The following FHIT variants were observed in gnomAD, a reference collection of about 807,000 sequenced individuals.
FHIT encodes bis(5'-adenosyl)-triphosphatase.
In FHIT, 19 loss-of-function variants were observed where a neutral mutation model predicts 17.9. That is an observed-to-expected ratio of 1.06 (90% confidence interval 0.74 to 1.56). The LOEUF is 1.56. Among genes scored for constraint, FHIT ranks in the 40% most tolerant of loss-of-function variants. The pLI, the probability that FHIT is intolerant of heterozygous loss-of-function variation, is 0.00. For synonymous variants in FHIT, 81 were observed against 69.7 expected (o/e 1.16, Z -0.81); for missense variants, 248 against 189.2 (o/e 1.31, Z -1.82).
chr3:61,096,952 A>G (rs1239230128), intron 2 of FHIT, among the ~76,000 whole-genome samples: 2 of 151,992 alleles, frequency 1.3e-5, no homozygotes, highest in Admixed American at 1.3e-4. Context: ...CTCTACTACA[A>G]AAATTACAGC....
At chr3:60,505,816 A>T (rs1407392637) in intron 5 of FHIT, among the ~76,000 whole-genome samples, 2 of 152,138 alleles carry the variant, frequency 1.3e-5, no homozygotes. Flanking sequence ...GCATTCTTTC[A>T]TCCAACGGAC....
chr3:60,513,108 A>C (rs1576790760), intron 5 of FHIT, among the ~76,000 whole-genome samples: 1 of 152,222 alleles, frequency 6.6e-6, no homozygotes, highest in Non-Finnish European at 1.5e-5. Context: ...TGAATTATTT[A>C]GGAGTAAAGC....
At chr3:60,798,752 C>CTTTTTTTTTT (rs35159710) in intron 4 of FHIT, among the ~76,000 whole-genome samples, 3 of 105,476 alleles carry the variant, frequency 2.8e-5, no homozygotes, top group Admixed American at 1.1e-4. Context: ...ACTGCAATAG[C>CTTTTTTTTTT]TTTTTTTTTT....
intron 4 of FHIT, among the ~76,000 whole-genome samples, chr3:60,598,782 G>C (rs994554465): frequency 2.0e-5 from 3 of 152,122 alleles, no homozygotes; most frequent in African/African-American, 4.8e-5. Flanking sequence ...TAATTTGAGG[G>C]ATTACAGTGT....
At chr3:59,952,361 G>A (rs2107311601) in intron 7 of FHIT, among the ~76,000 whole-genome samples, 1 of 152,250 alleles carries the variant, frequency 6.6e-6, no homozygotes, top group African/African-American at 2.4e-5. Flanking sequence ...CAGACACAGT[G>A]GGTTGGAGAC....
chr3:60,546,095 C>G (rs764432242), intron 4 of FHIT, among the ~76,000 whole-genome samples: 1 of 150,872 alleles, frequency 6.6e-6, no homozygotes, highest in African/African-American at 2.4e-5. Flanking sequence ...CGTGTGTTCT[C>G]TTGAATTTTT....
intron 8 of FHIT, among the ~76,000 whole-genome samples, chr3:59,884,020 A>AGGTTG (rs1703517795): frequency 6.6e-6 from 1 of 152,210 alleles, no homozygotes; most frequent in Admixed American, 6.5e-5. Context: ...TGTTTATGTA[A>AGGTTG]ACAAAAATGT....
chr3:60,333,598 G>C (rs1022142366), intron 5 of FHIT, among the ~76,000 whole-genome samples: 27 of 151,726 alleles, frequency 1.8e-4, no homozygotes, highest in African/African-American at 6.3e-4. Context: ...ACATAATATT[G>C]CATGTCATAT....
At chr3:61,069,695 C>A (rs117772755) in intron 2 of FHIT, among the ~76,000 whole-genome samples, 2 of 152,166 alleles carry the variant, frequency 1.3e-5, no homozygotes, top group Non-Finnish European at 2.9e-5. Context: ...ACCAGCATTG[C>A]GTGATTTTAA....
intron 5 of FHIT, among the ~76,000 whole-genome samples, chr3:60,354,424 G>A (rs1699556988): frequency 6.6e-6 from 1 of 152,030 alleles, no homozygotes; most frequent in African/African-American, 2.4e-5. Context: ...AACAGACTCA[G>A]TTTAGTATCT....
chr3:60,948,926 G>A (rs1458795863), intron 3 of FHIT, among the ~76,000 whole-genome samples: 2 of 151,710 alleles, frequency 1.3e-5, no homozygotes, highest in East Asian at 1.9e-4. Flanking sequence ...GTTTTCCATC[G>A]CCCTCAATTT....
At chr3:60,864,087 A>T (rs1704048354) in intron 3 of FHIT, among the ~76,000 whole-genome samples, 1 of 152,104 alleles carries the variant, frequency 6.6e-6, no homozygotes, top group South Asian at 2.1e-4. Flanking sequence ...GAGCATGTGA[A>T]GAAGAATTGC....
chr3:60,273,592 G>A (rs371983164), intron 5 of FHIT, among the ~76,000 whole-genome samples: 1 of 151,968 alleles, frequency 6.6e-6, no homozygotes, highest in African/African-American at 2.4e-5. Flanking sequence ...CAGAGCAACA[G>A]TGCAAGACTC....
At chr3:59,861,840 A>G (rs555395652) in intron 8 of FHIT, among the ~76,000 whole-genome samples, 3 of 152,350 alleles carry the variant, frequency 2.0e-5, no homozygotes, top group Admixed American at 2.0e-4. Context: ...ATGAACTAGA[A>G]GAACATGAAA....
At chr3:60,441,396 A>G (rs2030787149) in intron 5 of FHIT, among the ~76,000 whole-genome samples, 1 of 152,074 alleles carries the variant, frequency 6.6e-6, no homozygotes, top group Non-Finnish European at 1.5e-5. Flanking sequence ...GTCTCCACTT[A>G]CTTAACAATG....
intron 5 of FHIT, among the ~76,000 whole-genome samples, chr3:60,413,650 CTG>C (rs3060234): frequency 0.92 from 138,001 of 150,458 alleles, 63,282 homozygotes; most frequent in East Asian, 0.98. Context: ...GCAGGGAACT[CTG>C]TGTGTGTGTG....
At chr3:60,490,036 G>T (rs574114646) in intron 5 of FHIT, among the ~76,000 whole-genome samples, 130 of 152,202 alleles carry the variant, frequency 8.5e-4, no homozygotes, top group African/African-American at 3.0e-3. Flanking sequence ...AATGAGCAAT[G>T]AATTTCAAAA....
chr3:60,602,991 T>C (rs1553669385), intron 4 of FHIT, among the ~76,000 whole-genome samples: 1 of 152,178 alleles, frequency 6.6e-6, no homozygotes, highest in African/African-American at 2.4e-5. Context: ...TTCTGTTGTT[T>C]ATGAGCTACC....
At chr3:60,932,709 TG>T (rs1354246155) in intron 3 of FHIT, among the ~76,000 whole-genome samples, 5 of 152,228 alleles carry the variant, frequency 3.3e-5, no homozygotes, top group African/African-American at 1.2e-4. Context: ...CCATCTTTTT[TG>T]GTTCCCTTAA....
Sources: gnomAD v4.1 joint callset for allele counts (sites outside exome capture counted in the v4.1 genomes callset) on GRCh38, gnomAD v4.1.1 for gene constraint, MANE v1.5 for transcripts, NCBI Gene and HGNC (gene_info 2026-07-23, HGNC 2026-07-21) for gene names.